SLC25A48: variants seen among roughly 807,000 people sequenced by gnomAD.
SLC25A48 encodes the protein solute carrier family 25 member 48.
Under a neutral mutation model 32.2 loss-of-function variants are expected in SLC25A48, and 29 were observed. The observed-to-expected ratio is 0.90, with a 90% confidence interval of 0.67 to 1.23. The LOEUF is 1.23. Among genes scored for constraint, SLC25A48 ranks in the 50% most tolerant of loss-of-function variants. The pLI, the probability that SLC25A48 is intolerant of heterozygous loss-of-function variation, is 0.00. For missense variants in SLC25A48, 399 were observed against 422.7 expected (o/e 0.94, Z 0.49); for synonymous variants, 164 against 172.3 (o/e 0.95, Z 0.38).
At chr5:135,721,072 C>T (rs998156559) in intron 3 of SLC25A48, among the ~76,000 whole-genome samples, 3 of 151,530 alleles carry the variant, frequency 2.0e-5, no homozygotes. Context: ...GGCAGAGTCT[C>T]TCTCTGTCGC....
intron 3 of SLC25A48, among the ~76,000 whole-genome samples, chr5:135,764,240 C>A (rs1756142954): frequency 6.6e-6 from 1 of 151,934 alleles, no homozygotes; most frequent in African/African-American, 2.4e-5. Flanking sequence ...ATGTTACTCC[C>A]CATATCGTGG....
intron 3 of SLC25A48, among the ~76,000 whole-genome samples, chr5:135,682,327 A>G (rs1753915721): frequency 6.6e-6 from 1 of 152,010 alleles, no homozygotes; most frequent in Non-Finnish European, 1.5e-5. Flanking sequence ...TTAGGGTAGG[A>G]GGGTCAATCT....
intron 3 of SLC25A48, among the ~76,000 whole-genome samples, chr5:135,716,729 G>T (rs143849686): frequency 1.3e-5 from 2 of 152,204 alleles, no homozygotes; most frequent in Admixed American, 1.3e-4. Context: ...AGGGCAAGGC[G>T]TTGGGTCTGA....
intron 3 of SLC25A48, among the ~76,000 whole-genome samples, chr5:135,798,754 TC>T (rs1284697942): frequency 1.3e-5 from 2 of 151,664 alleles, no homozygotes; most frequent in African/African-American, 4.8e-5. Flanking sequence ...ATGTTATTAC[TC>T]CCAATATCGC....
intron 1 of SLC25A48, among the ~76,000 whole-genome samples, chr5:135,590,523 G>T (rs1751495603): frequency 6.6e-6 from 1 of 152,162 alleles, no homozygotes; most frequent in Non-Finnish European, 1.5e-5. Context: ...CCCTTTATTT[G>T]TGTGGGTTTT....
intron 4 of SLC25A48, among the ~76,000 whole-genome samples, chr5:135,863,389 G>T (rs1405233346): frequency 6.6e-6 from 1 of 152,154 alleles, no homozygotes; most frequent in Non-Finnish European, 1.5e-5. Flanking sequence ...AAGCATCAGG[G>T]CTGCAGGTAG....
At chr5:135,724,402 G>C (rs1447095902) in intron 3 of SLC25A48, among the ~76,000 whole-genome samples, 1 of 139,070 alleles carries the variant, frequency 7.2e-6, no homozygotes, top group Non-Finnish European at 1.6e-5. Context: ...AGGTAGGCGT[G>C]AGCCCCTGCG....
chr5:135,882,121 C>T (rs25895), intron 7 of SLC25A48, among the ~76,000 whole-genome samples: 105,713 of 152,152 alleles, frequency 0.69, 37,137 homozygotes, highest in South Asian at 0.86. Flanking sequence ...TCTGGAAGCG[C>T]TCTTTCTTGC....
chr5:135,752,054 C>A (rs187638065), intron 3 of SLC25A48, among the ~76,000 whole-genome samples: 4 of 151,934 alleles, frequency 2.6e-5, no homozygotes, highest in Non-Finnish European at 5.9e-5. Context: ...ACCTAAATGT[C>A]GAGTCTAAAA....
intron 3 of SLC25A48, among the ~76,000 whole-genome samples, chr5:135,795,310 C>T (rs756739385): frequency 6.6e-5 from 10 of 151,836 alleles, no homozygotes; most frequent in Non-Finnish European, 1.2e-4. Context: ...GATGATATTA[C>T]TCTCAATATC....
intron 3 of SLC25A48, among the ~76,000 whole-genome samples, chr5:135,716,344 A>G (rs1157075345): frequency 6.6e-6 from 1 of 152,160 alleles, no homozygotes. Context: ...GCATTGGCTT[A>G]GACAGTTGGG....
At chr5:135,582,517 A>G (rs1751258197) in intron 1 of SLC25A48, among the ~76,000 whole-genome samples, 1 of 152,078 alleles carries the variant, frequency 6.6e-6, no homozygotes, top group Non-Finnish European at 1.5e-5. Flanking sequence ...TTAACCAGTG[A>G]CCACAGGAGG....
At chr5:135,776,789 G>A (rs559872838) in intron 3 of SLC25A48, among the ~76,000 whole-genome samples, 3 of 151,746 alleles carry the variant, frequency 2.0e-5, no homozygotes, top group South Asian at 4.2e-4. Flanking sequence ...CGCATTTCTG[G>A]CAATAATGTT....
chr5:135,888,239 A>G lies in SLC25A48; in HGVS notation c.*215A>G, dbSNP rs1762803923. The G allele has an allele frequency of 1.6e-6, 1 of 609,670 alleles. No homozygotes were observed. The highest frequency in any genetic ancestry group is 2.8e-6 in the Non-Finnish European group (1 of 354,106). 37.8% of individuals were successfully genotyped at this position (609,670 alleles called of 1,614,324 possible). On this transcript the variant is annotated 3_prime_UTR_variant, in exon 8 of 8. Transcript: ENST00000681962. ...CAAGCCCTCCAAGGTTCTGATCCCC[A>G]ATGCCCACTCTGCTAGGCTGGCATC... is the stretch of plus-strand genomic sequence containing the variant.
chr5:135,708,328 A>G (rs1195223900), intron 3 of SLC25A48, among the ~76,000 whole-genome samples: 6 of 152,182 alleles, frequency 3.9e-5, no homozygotes, highest in South Asian at 4.1e-4. Context: ...AAGCAAATCT[A>G]TGAGCACCTC....
At chr5:135,762,378 A>C (rs899637591) in intron 3 of SLC25A48, among the ~76,000 whole-genome samples, 1 of 152,158 alleles carries the variant, frequency 6.6e-6, no homozygotes, top group Non-Finnish European at 1.5e-5. Flanking sequence ...TGAGGACAGG[A>C]GAGGAGCTGG....
At chr5:135,674,461 G>A (rs1400899246) in intron 3 of SLC25A48, among the ~76,000 whole-genome samples, 1 of 151,866 alleles carries the variant, frequency 6.6e-6, no homozygotes, top group East Asian at 1.9e-4. Flanking sequence ...TCAGACTCTG[G>A]TATCTATCAC....
At chr5:135,617,490 A>G (rs1752217402) in intron 1 of SLC25A48, among the ~76,000 whole-genome samples, 1 of 148,728 alleles carries the variant, frequency 6.7e-6, no homozygotes, top group African/African-American at 2.5e-5. Context: ...CTTTTCTTCT[A>G]CTAATTCTCG....
intron 3 of SLC25A48, among the ~76,000 whole-genome samples, chr5:135,790,685 C>T (rs184320875): frequency 7.8e-6 from 1 of 127,992 alleles, no homozygotes; most frequent in Non-Finnish European, 1.7e-5. Flanking sequence ...TCTGGTGATG[C>T]TACTCCTAAT....
Sources: gnomAD v4.1 joint callset for allele counts (sites outside exome capture counted in the v4.1 genomes callset) on GRCh38, gnomAD v4.1.1 for gene constraint, MANE v1.5 for transcripts, NCBI Gene and HGNC (gene_info 2026-07-23, HGNC 2026-07-21) for gene names.